CPAMD8: variants seen among roughly 807,000 people sequenced by gnomAD.
The protein encoded by CPAMD8 is C3 and PZP-like alpha-2-macroglobulin domain-containing protein 8.
A neutral mutation model predicts 224.7 loss-of-function variants in CPAMD8; 146 were observed. The observed-to-expected ratio is 0.65, with a 90% CI of 0.57 to 0.75. The LOEUF (loss-of-function observed/expected upper bound fraction) is 0.75. Among genes scored for constraint, CPAMD8 ranks in the 30% least tolerant of loss-of-function variants. The probability of loss-of-function intolerance (pLI) is 0.00; values close to 1 mark genes in which losing one functional copy is unlikely to be tolerated. For synonymous variants in CPAMD8, 966 were observed against 1,044.6 expected (o/e 0.92, Z 1.45); for missense variants, 2,301 against 2,537.5 (o/e 0.91, Z 2.00).
intron 27 of CPAMD8, among the ~76,000 whole-genome samples, chr19:16,918,441 ACT>A (rs1568473952): frequency 6.8e-6 from 1 of 146,274 alleles, no homozygotes. Context: ...AATTTTTAAA[ACT>A]TTTTTTTTTT....
intron 13 of CPAMD8, among the ~76,000 whole-genome samples, chr19:16,986,385 G>C (rs1169528022): frequency 6.6e-6 from 1 of 152,096 alleles, no homozygotes; most frequent in Admixed American, 6.6e-5. Context: ...GACAGAGCCA[G>C]GTCTCCCCCT....
intron 5 of CPAMD8, 70 bp from the exon 6 acceptor site, chr19:17,009,390 C>T (rs2056585877): frequency 6.2e-7 from 1 of 1,612,228 alleles, no homozygotes; most frequent in Non-Finnish European, 8.5e-7. Flanking sequence ...CATGCTCATG[C>T]ATGGCCTCGG....
chr19:17,016,476 C>A (rs1479374145), intron 3 of CPAMD8, among the ~76,000 whole-genome samples: 1 of 152,112 alleles, frequency 6.6e-6, no homozygotes, highest in African/African-American at 2.4e-5. Flanking sequence ...GAAAGCAGAT[C>A]TAGGCTGGGT....
Position 17,022,102 on chromosome 19 carries a change from T to G in CPAMD8, c.172A>C (p.Arg58=), listed in dbSNP as rs2056973452. 6.2e-7 allele frequency: 1 copy of G among 1,605,912 alleles called. No individual in the cohort carries two copies. Among genetic ancestry groups the G allele is most frequent in the South Asian group, 1.1e-5 (1 of 89,450 alleles). Residue 58 remains arginine, a synonymous_variant, in exon 2 of 42, where the codon AGG becomes CGG. Coordinates refer to ENST00000443236, the MANE Select transcript of CPAMD8 (RefSeq NM_015692.5). Reference sequence around the variant, plus strand: ...AGCTGAGCCTGGACCGTGACTTCCCTTGGAGAGTTAAAGATGGTCACGCTG... The same window carrying G: ...AGCTGAGCCTGGACCGTGACTTCCCGTGGAGAGTTAAAGATGGTCACGCTG... The part of the protein sequence containing the change: ...VISVTIFNSP[R]EVTVQAQLVA...
In CPAMD8 at chr19:16,938,411, T is replaced by G; in HGVS notation, c.2829A>C (p.Ala943=). The change falls in exon 23 of 42, where the codon GCA becomes GCC. Residue 943 remains alanine, a synonymous_variant. Coordinates refer to ENST00000443236, the MANE Select transcript of CPAMD8 (RefSeq NM_015692.5). ...EGVPRAYTYS[A]FFCPSERVHI... is the part of the protein sequence containing the mutation. ...GGGACTCACCACTGGGACAGAAGAA[T>G]GCGCTGTAGGTGTACGCCCGGGGGA... 1 of 1,570,426 alleles carries G rather than the reference T, an allele frequency of 6.4e-7. No individual in the cohort carries two copies. The highest frequency in any genetic ancestry group is 1.9e-5 in the Admixed American group (1 of 51,332).
intron 20 of CPAMD8, among the ~76,000 whole-genome samples, chr19:16,947,831 G>A (rs572262807): frequency 9.9e-5 from 15 of 152,092 alleles, no homozygotes; most frequent in South Asian, 4.2e-4. Context: ...ATATGCATTC[G>A]TGTGTGTGTG....
intron 25 of CPAMD8, among the ~76,000 whole-genome samples, chr19:16,925,760 T>A (rs942253371): frequency 3.0e-4 from 19 of 63,634 alleles, no homozygotes; most frequent in African/African-American, 6.1e-4. Flanking sequence ...TCTAAAATAT[T>A]TTTTTTTTTT....
At chr19:16,986,699 C>T (rs1363057437) in intron 13 of CPAMD8, among the ~76,000 whole-genome samples, 2 of 152,024 alleles carry the variant, frequency 1.3e-5, no homozygotes, top group East Asian at 3.9e-4. Context: ...GCCCTGGGCG[C>T]TGTGATGGCA....
intron 10 of CPAMD8, 182 bp downstream of exon 10, chr19:17,000,232 T>G: frequency 2.1e-6 from 1 of 482,282 alleles, no homozygotes; most frequent in Middle Eastern, 5.4e-4. Context: ...GGCGAGAGGA[T>G]CGCTTGAGCC....
intron 29 of CPAMD8, among the ~76,000 whole-genome samples, chr19:16,909,591 C>A (rs1274868399): frequency 6.6e-6 from 1 of 151,552 alleles, no homozygotes; most frequent in African/African-American, 2.4e-5. Context: ...ACTAAAAATA[C>A]AAAAATAGCC....
chr19:16,935,930 AT>A (rs112965775), intron 23 of CPAMD8, among the ~76,000 whole-genome samples: 1,794 of 141,102 alleles, frequency 0.013, 8 homozygotes, highest in Admixed American at 0.014. Context: ...AGTGTTCACT[AT>A]TTTTTTTTTT....
At position 16,901,257 on chromosome 19, in the gene CPAMD8, C is replaced by T; in HGVS notation, c.4726G>A (p.Val1576Met). The change falls in exon 36 of 42, where the codon GTG becomes ATG. Residue 1576 changes from valine to methionine, a missense_variant. By Grantham distance (21) the Val-to-Met change is conservative. Transcript: ENST00000443236. ...AGSSNMAVLE[V>M]PLLSGFRADI... ...GCCCGGAAGCCTGACAGCAGGGGCA[C>T]CTCCAGGACAGCCATATTGGAAGAC... 2 of 1,612,864 alleles carry T rather than the reference C, an allele frequency of 1.2e-6. No individual in the cohort carries two copies. The highest frequency in any genetic ancestry group is 3.3e-4 in the Middle Eastern group (2 of 6,058).
At chr19:16,957,976 C>G (rs1455970708) in intron 18 of CPAMD8, 61 bp from the exon 19 acceptor site, 44 of 1,475,408 alleles carry the variant, frequency 3.0e-5, no homozygotes, top group Non-Finnish European at 4.1e-5. Context: ...TTATGTGAAC[C>G]TAGCAGCTTT....
chr19:16,900,066 G>A (rs1458812478), intron 36 of CPAMD8, among the ~76,000 whole-genome samples: 1 of 151,998 alleles, frequency 6.6e-6, no homozygotes, highest in Non-Finnish European at 1.5e-5. Flanking sequence ...GACCTCCTTT[G>A]GTCCCTGAAA....
At position 16,980,605 on chromosome 19, in the gene CPAMD8, T is replaced by C. The variant is rs367707237; in HGVS notation, c.1477A>G (p.Asn493Asp). Residue 493 changes from asparagine (N) to aspartate (D), a missense_variant, in exon 14 of 42, where the codon AAT becomes GAT. By Grantham distance (23) the Asn-to-Asp change is conservative. Coordinates refer to ENST00000443236, the MANE Select transcript of CPAMD8 (RefSeq NM_015692.5). ...TLYYEVAARG[N>D]IVLSGQQPAH... is the part of the protein sequence containing the mutation. ...GGCTGCTGGCCCGATAGCACAATAT[T>C]GCCCCGTGCAGCCACCTCGTAGTAC... is the stretch of plus-strand genomic sequence containing the variant. The C allele has an allele frequency of 6.2e-7, 1 of 1,611,374 alleles. No individual in the cohort carries two copies. The highest frequency in any genetic ancestry group is 1.3e-5 in the African/African-American group (1 of 74,708).
intron 22 of CPAMD8, among the ~76,000 whole-genome samples, chr19:16,941,573 T>G (rs1431177580): frequency 5.3e-5 from 8 of 152,184 alleles, no homozygotes; most frequent in Admixed American, 5.2e-4. Flanking sequence ...ATTGTAATCC[T>G]CAATGTTGGA....
In CPAMD8 at chr19:16,947,199, C is replaced by G; in HGVS notation, c.2537G>C (p.Gly846Ala). The change falls in exon 21 of 42, where the codon GGC (glycine) becomes GCC (alanine). Residue 846 changes from glycine to alanine, a missense_variant. By Grantham distance (60) the Gly-to-Ala change is moderately conservative. Around this residue, in one of 4 missense-constraint regions of CPAMD8, gnomAD observed 1,709 missense variants for 1,753.2 expected, o/e 0.97. Transcript: ENST00000443236. ...EVYMKLSVPK[G>A]IQFVGHPGKR... ...GCCAGGATGCCCAACAAACTGGATG[C>G]CCTTGGGAACCGAGAGCTTCATGTA... 1 of 1,613,442 alleles carries G rather than the reference C, an allele frequency of 6.2e-7. No individual in the cohort carries two copies. Among genetic ancestry groups the G allele is most frequent in the Non-Finnish European group, 8.5e-7 (1 of 1,179,668 alleles).
At chr19:16,935,293 G>A (rs2145008636) in intron 23 of CPAMD8, among the ~76,000 whole-genome samples, 1 of 152,064 alleles carries the variant, frequency 6.6e-6, no homozygotes, top group East Asian at 1.9e-4. Flanking sequence ...TTATGTGAGT[G>A]CCATGTAATT....
chr19:16,947,287 A>G, intron 20 of CPAMD8, 60 bp from the exon 21 acceptor site: 3 of 1,564,282 alleles, frequency 1.9e-6, no homozygotes, highest in Non-Finnish European at 2.6e-6. Context: ...CAGTGCCTGG[A>G]GGCCCAACAC....
Sources: allele counts gnomAD v4.1 joint callset (sites outside exome capture counted in the v4.1 genomes callset), GRCh38; gene constraint gnomAD v4.1.1; regional missense constraint gnomAD v4.1.1; transcripts MANE v1.5; gene names NCBI Gene and HGNC (gene_info 2026-07-23, HGNC 2026-07-21).